NEFH: variants seen among roughly 807,000 people sequenced by gnomAD.
The protein encoded by NEFH is neurofilament heavy polypeptide.
Under a neutral mutation model 56.6 loss-of-function variants are expected in NEFH, and 58 were observed. The observed-to-expected ratio is 1.03, with a 90% CI of 0.83 to 1.28. The LOEUF is 1.28. Among genes scored for constraint, NEFH ranks in the 50% most tolerant of loss-of-function variants. The pLI is 0.00. For synonymous variants in NEFH, 542 were observed against 545.8 expected, an observed-to-expected ratio of 0.99 and a Z score of 0.10; for missense variants, 1,221 against 1,307.6, an observed-to-expected ratio of 0.93 and a Z score of 1.02.
rs897488894 is a variant in NEFH at position 29,480,712 on chromosome 22, C to A, written c.450C>A (p.Val150=). The A allele has an allele frequency of 1.1e-5, 16 of 1,515,358 alleles. No homozygotes were observed. In the Admixed American group the frequency reaches 3.1e-4, roughly 30 times the overall value. 93.9% of individuals were successfully genotyped at this position (1,515,358 alleles called of 1,614,324 possible). Residue 150 remains valine, a synonymous_variant, in exon 1 of 4, where the codon GTC becomes GTA. Transcript: ENST00000310624. ...SAMGELYERE[V]REMRGAVLRL... is the part of the protein sequence containing the mutation. ...TGGGCGAGCTGTACGAGCGCGAGGT[C>A]CGCGAGATGCGCGGCGCGGTGCTGC...
At position 29,480,239 on chromosome 22, in the gene NEFH, C is replaced by T. The variant is rs1414129218; in HGVS notation, c.-24C>T. On this transcript the variant is annotated 5_prime_UTR_variant, in exon 1 of 4. Coordinates refer to ENST00000310624, the MANE Select transcript of NEFH (RefSeq NM_021076.4). ...TGCCGCAGTGCCTCCCGCCCCGTCC[C>T]GGCCTCGCGCACCTGCTCAGGCCAT... 6.7e-7 allele frequency: 1 copy of T among 1,495,956 alleles called. No individual in the cohort carries two copies. Among genetic ancestry groups the T allele is most frequent in the Non-Finnish European group, 8.8e-7 (1 of 1,132,084 alleles). The allele number at this position is 1,495,956 out of a possible 1,614,324, so 92.7% of individuals were successfully genotyped here. A position where few individuals can be genotyped will look rare whatever the true frequency, so the allele number is the denominator to read the frequency against.
At position 29,481,455 on chromosome 22, in the gene NEFH, G is replaced by GA. The variant is rs763994664; in HGVS notation, c.883+317dup. 2.6e-3 allele frequency among the ~76,000 whole-genome samples: 401 copies of GA among 152,030 alleles called. 3 individuals are homozygous for GA. Among genetic ancestry groups the GA allele is most frequent in the Non-Finnish European group, 5.0e-3 (339 of 67,954 alleles). Reference sequence around the variant, plus strand: ...CACTCTGAGATCCCTCCCCCGTCAAGAAAAAAACAAGTTTCCTCTACAGGA... The same window carrying GA: ...CACTCTGAGATCCCTCCCCCGTCAAGAAAAAAAACAAGTTTCCTCTACAGGA... On this transcript the variant is annotated intron_variant, in intron 1 of 3. Coordinates refer to ENST00000310624, the MANE Select transcript of NEFH (RefSeq NM_021076.4).
In NEFH at chr22:29,480,698, T is replaced by G; in HGVS notation, c.436T>G (p.Tyr146Asp). ...QAGRSAMGEL[Y>D]EREVREMRGA... is the part of the protein sequence containing the mutation. ...GGGCCGCTCCGCTATGGGCGAGCTG[T>G]ACGAGCGCGAGGTCCGCGAGATGCG... The change falls in exon 1 of 4, where the codon TAC becomes GAC. Residue 146 changes from tyrosine to aspartate, a missense_variant. Around this residue, in one of 4 missense-constraint regions of NEFH, gnomAD observed 640 missense variants for 555.5 expected, o/e 1.15. Transcript: ENST00000310624. 6.5e-7 allele frequency: 1 copy of G among 1,531,210 alleles called. No homozygotes were observed. Among genetic ancestry groups the G allele is most frequent in the Non-Finnish European group, 8.7e-7 (1 of 1,146,948 alleles). 94.9% of individuals were successfully genotyped at this position (1,531,210 alleles called of 1,614,324 possible).
rs780622591 is a variant in NEFH, at chr22:29,489,116, G to C, written c.1476G>C (p.Glu492Asp). The C allele has an allele frequency of 3.1e-6, 5 of 1,613,430 alleles. No homozygotes were observed. The highest frequency in any genetic ancestry group is 3.3e-4 in the Middle Eastern group (2 of 6,060). ...EGKEEEGGEE[E>D]EAEGGEEETK... ...AGGAGGAAGAAGGGGGTGAAGAAGA[G>C]GAGGCAGAAGGGGGAGAAGAAGAAA... Residue 492 changes from glutamate (E) to aspartate (D), a missense_variant, in exon 4 of 4, where the codon GAG becomes GAC. Transcript: ENST00000310624.
chr22:29,488,088 T>C (rs1219885573), intron 3 of NEFH, among the ~76,000 whole-genome samples: 1 of 152,052 alleles, frequency 6.6e-6, no homozygotes, highest in Non-Finnish European at 1.5e-5. Context: ...TGTGGTCGGG[T>C]GCGGTGGCTC....
chr22:29,488,967 A>T lies in NEFH; in HGVS notation c.1327A>T (p.Lys443Ter). ...STHIKVKSEE[K>*]IKVVEKSEKE... Reference sequence around the variant, plus strand: ...TCACATAAAGGTGAAAAGCGAAGAGAAGATCAAAGTGGTGGAGAAGTCTGA... The same window carrying T: ...TCACATAAAGGTGAAAAGCGAAGAGTAGATCAAAGTGGTGGAGAAGTCTGA... Residue 443 changes from lysine to a stop codon, truncating the protein, a stop_gained, in exon 4 of 4, where the codon AAG becomes TAG. Coordinates refer to ENST00000310624, the MANE Select transcript of NEFH (RefSeq NM_021076.4). LOFTEE classifies it low-confidence loss of function (END_TRUNC). The T allele has an allele frequency of 6.2e-7, 1 of 1,614,230 alleles. No homozygotes were observed. The highest frequency in any genetic ancestry group is 8.5e-7 in the Non-Finnish European group (1 of 1,180,046).
At chr22:29,483,835 AT>A (rs2063028137) in intron 2 of NEFH, among the ~76,000 whole-genome samples, 1 of 81,460 alleles carries the variant, frequency 1.2e-5, no homozygotes, top group Non-Finnish European at 2.2e-5. Flanking sequence ...ACTTTTATTT[AT>A]TTATTTATTT....
chr22:29,481,729 A>C (rs1216042145), intron 1 of NEFH, among the ~76,000 whole-genome samples: 1 of 152,146 alleles, frequency 6.6e-6, no homozygotes, highest in Non-Finnish European at 1.5e-5. Flanking sequence ...TACTACAGTC[A>C]GTTGTTGCCT....
At chr22:29,483,678 G>T in intron 2 of NEFH, 104 bp downstream of exon 2, 1 of 1,145,182 alleles carries the variant, frequency 8.7e-7, no homozygotes, top group Non-Finnish European at 1.3e-6. Flanking sequence ...TAAGATTGTG[G>T]CCCTTGGAGT....
rs1393248643 is a variant in NEFH, at chr22:29,480,826, G to T, written c.564G>T (p.Glu188Asp). 3.6e-6 allele frequency: 5 copies of T among 1,394,370 alleles called. No homozygotes were observed. The highest frequency in any genetic ancestry group is 4.6e-6 in the Non-Finnish European group (5 of 1,086,198). The allele number at this position is 1,394,370 out of a possible 1,614,324, so 86.4% of individuals were successfully genotyped here. ...IAHVRQRLDD[E>D]ARQREEAEAA... ...ACGTGCGCCAGCGCCTAGACGACGA[G>T]GCCCGGCAGCGAGAGGAGGCCGAGG... is the stretch of plus-strand genomic sequence containing the variant. Residue 188 changes from glutamate (E) to aspartate (D), a missense_variant, in exon 1 of 4, where the codon GAG becomes GAT. Glu to Asp is a conservative substitution (Grantham distance 45). Around this residue, in one of 4 missense-constraint regions of NEFH, gnomAD observed 640 missense variants for 555.5 expected, o/e 1.15. Coordinates refer to ENST00000310624, the MANE Select transcript of NEFH (RefSeq NM_021076.4).
chr22:29,486,051 C>T (rs573830536), intron 3 of NEFH, among the ~76,000 whole-genome samples: 2 of 152,336 alleles, frequency 1.3e-5, no homozygotes, highest in East Asian at 3.9e-4. Context: ...GACAGACTTA[C>T]TGTGTTGCCC....
Position 29,480,544 on chromosome 22 carries a change from A to G in NEFH, c.282A>G (p.Ser94=), listed in dbSNP as rs1317324202. ...GCTGCATGGTGGCGGTGGCCACCTC[A>G]CGCAGTGAGAAGGAGCAGCTGCAGG... The part of the protein sequence containing the change: ...PEGCMVAVAT[S]RSEKEQLQAL... Residue 94 remains serine, a synonymous_variant, in exon 1 of 4, where the codon TCA becomes TCG. Transcript: ENST00000310624. 3 of 1,538,764 alleles carry G rather than the reference A, an allele frequency of 1.9e-6. No homozygotes were observed. Among genetic ancestry groups the G allele is most frequent in the African/African-American group, 2.7e-5 (2 of 73,436 alleles).
At chr22:29,482,494 G>A (rs995319069) in intron 1 of NEFH, among the ~76,000 whole-genome samples, 4 of 152,238 alleles carry the variant, frequency 2.6e-5, no homozygotes, top group African/African-American at 4.8e-5. Context: ...CAGGGGCAAT[G>A]CTCAGCTAGG....
intron 2 of NEFH, among the ~76,000 whole-genome samples, chr22:29,484,621 G>A (rs2063033365): frequency 6.6e-6 from 1 of 152,140 alleles, no homozygotes; most frequent in South Asian, 2.1e-4. Context: ...CACCCAGCCT[G>A]GGCGACAGAG....
chr22:29,490,833 T>G lies in NEFH; in HGVS notation c.*130T>G. Reference sequence around the variant, plus strand: ...AAGAAACTGCTTAGATGACGGGGCCTCCTTCTTCAAACAGGAATTTCTGTT... The same window carrying G: ...AAGAAACTGCTTAGATGACGGGGCCGCCTTCTTCAAACAGGAATTTCTGTT... On this transcript the variant is annotated 3_prime_UTR_variant, in exon 4 of 4. Transcript: ENST00000310624. 1.3e-6 allele frequency: 2 copies of G among 1,516,988 alleles called. No individual in the cohort carries two copies. Among genetic ancestry groups the G allele is most frequent in the South Asian group, 1.2e-5 (1 of 83,058 alleles). The allele number at this position is 1,516,988 out of a possible 1,614,324, so 94.0% of individuals were successfully genotyped here. A position where few individuals can be genotyped will look rare whatever the true frequency, so the allele number is the denominator to read the frequency against.
chr22:29,490,008 AAGG>A lies in NEFH; in HGVS notation c.2375_2377del (p.Glu792del), dbSNP rs1569198032. On this transcript the variant is annotated inframe_deletion, in exon 4 of 4. Coordinates refer to ENST00000310624, the MANE Select transcript of NEFH (RefSeq NM_021076.4). Reference sequence around the variant, plus strand: ...CCCTGAAAAGGCCAAAAGCCCTGTCAAGGAGGAGGTCAAGTCCCCAGAGAAGGC... The same window carrying A: ...CCCTGAAAAGGCCAAAAGCCCTGTCAAGGAGGTCAAGTCCCCAGAGAAGGC... 5.6e-6 allele frequency: 9 copies of A among 1,610,610 alleles called. No homozygotes were observed. Among genetic ancestry groups the A allele is most frequent in the East Asian group, 2.2e-5 (1 of 44,782 alleles).
In NEFH at chr22:29,480,808, C is replaced by G; in HGVS notation, c.546C>G (p.Arg182=). 1 of 1,404,048 alleles carries G rather than the reference C, an allele frequency of 7.1e-7. No individual in the cohort carries two copies. Among genetic ancestry groups the G allele is most frequent in the South Asian group, 1.6e-5 (1 of 64,370 alleles). 87.0% of individuals were successfully genotyped at this position (1,404,048 alleles called of 1,614,324 possible). ...EHLLEDIAHV[R]QRLDDEARQR... ...TGCTCGAGGACATCGCGCACGTGCG[C>G]CAGCGCCTAGACGACGAGGCCCGGC... The change falls in exon 1 of 4, where the codon CGC becomes CGG. Residue 182 remains arginine, a synonymous_variant. Transcript: ENST00000310624.
In NEFH at chr22:29,488,731, C is replaced by T. The variant is rs912459535; in HGVS notation, c.1209-118C>T. The T allele has an allele frequency of 3.1e-6, 3 of 980,904 alleles. No individual in the cohort carries two copies. The African/African-American group carries it at 4.8e-5, about 16-fold the overall frequency. 60.8% of individuals were successfully genotyped at this position (980,904 alleles called of 1,614,324 possible). A position where few individuals can be genotyped will look rare whatever the true frequency, so the allele number is the denominator to read the frequency against. ...CTCATAATGCCCACCATTCACATTC[C>T]TGTTCCACCAAAACCCATATCATTC... On this transcript the variant is annotated intron_variant, in intron 3 of 3. Coordinates refer to ENST00000310624, the MANE Select transcript of NEFH (RefSeq NM_021076.4).
chr22:29,488,309 G>A (rs975227140), intron 3 of NEFH, among the ~76,000 whole-genome samples: 1 of 152,064 alleles, frequency 6.6e-6, no homozygotes, highest in African/African-American at 2.4e-5. Context: ...CTTGAATCTG[G>A]GAGGCAGAGG....
Sources: allele counts gnomAD v4.1 joint callset (sites outside exome capture counted in the v4.1 genomes callset), GRCh38; gene constraint gnomAD v4.1.1; regional missense constraint gnomAD v4.1.1; transcripts MANE v1.5; gene names NCBI Gene and HGNC (gene_info 2026-07-23, HGNC 2026-07-21).